MKLN1: variants seen among roughly 807,000 people sequenced by gnomAD.
MKLN1 encodes the protein muskelin.
A neutral mutation model predicts 99.0 loss-of-function variants in MKLN1; 18 were observed. The observed-to-expected ratio is 0.18, with a 90% CI of 0.13 to 0.27. The LOEUF (loss-of-function observed/expected upper bound fraction) is 0.27. Among genes scored for constraint, MKLN1 ranks in the 10% least tolerant of loss-of-function variants. The pLI, the probability that MKLN1 is intolerant of heterozygous loss-of-function variation, is 1.00. For missense variants in MKLN1, 621 were observed against 875.9 expected, an observed-to-expected ratio of 0.71 and a Z score of 3.67; for synonymous variants, 288 against 293.2, an observed-to-expected ratio of 0.98 and a Z score of 0.18.
intron 7 of MKLN1, among the ~76,000 whole-genome samples, chr7:131,414,083 T>C (rs1402243987): frequency 6.6e-6 from 1 of 152,166 alleles, no homozygotes; most frequent in Admixed American, 6.5e-5. Context: ...ATTAATACAT[T>C]ATACATTATA....
intron 13 of MKLN1, 105 bp from the exon 14 acceptor site, chr7:131,464,189 C>A: frequency 1.7e-6 from 1 of 572,458 alleles, no homozygotes; most frequent in Non-Finnish European, 3.1e-6. Flanking sequence ...GAACGCATTT[C>A]TAAAATTTTT....
intron 3 of MKLN1, among the ~76,000 whole-genome samples, chr7:131,204,278 G>T (rs1796772865): frequency 6.6e-6 from 1 of 152,150 alleles, no homozygotes; most frequent in Non-Finnish European, 1.5e-5. Flanking sequence ...TTCTTGCCCA[G>T]CTTTGGGGTT....
intron 8 of MKLN1, among the ~76,000 whole-genome samples, chr7:131,416,580 G>A (rs1795020961): frequency 6.6e-6 from 1 of 151,356 alleles, no homozygotes; most frequent in African/African-American, 2.4e-5. Flanking sequence ...GAGTGCAGTG[G>A]CGCAAAGGCC....
At chr7:131,486,300 C>T (rs1194796035) in intron 17 of MKLN1, among the ~76,000 whole-genome samples, 3 of 151,674 alleles carry the variant, frequency 2.0e-5, no homozygotes, top group African/African-American at 4.8e-5. Flanking sequence ...CTAATCTCAC[C>T]GTTCAGAGAT....
At chr7:131,378,688 G>A (rs944421891) in intron 2 of MKLN1, among the ~76,000 whole-genome samples, 5 of 152,024 alleles carry the variant, frequency 3.3e-5, no homozygotes, top group African/African-American at 1.2e-4. Context: ...AAAGTAGTCG[G>A]GCATGGTAGC....
intron 2 of MKLN1, among the ~76,000 whole-genome samples, chr7:131,178,760 C>T (rs1796337791): frequency 2.6e-5 from 4 of 152,134 alleles, no homozygotes; most frequent in Admixed American, 2.6e-4. Flanking sequence ...TGACATATAT[C>T]TGCCCAGTCA....
intron 8 of MKLN1, among the ~76,000 whole-genome samples, chr7:131,425,399 T>G (rs1013213760): frequency 7.2e-5 from 11 of 152,168 alleles, no homozygotes; most frequent in African/African-American, 2.7e-4. Flanking sequence ...CTGTCTTCCC[T>G]CTTTTGAACC....
intron 17 of MKLN1, among the ~76,000 whole-genome samples, chr7:131,482,381 A>AT (rs1461841236): frequency 1.3e-5 from 2 of 151,734 alleles, no homozygotes; most frequent in East Asian, 1.9e-4. Flanking sequence ...CCTTTTTTAC[A>AT]TTTTTTGTAG....
intron 2 of MKLN1, among the ~76,000 whole-genome samples, chr7:131,201,548 G>T (rs997286593): frequency 6.6e-6 from 1 of 152,166 alleles, no homozygotes; most frequent in Non-Finnish European, 1.5e-5. Context: ...AAATGAATAA[G>T]GTTACTGGGT....
At chr7:131,292,611 T>G (rs1008496691) in intron 3 of MKLN1, among the ~76,000 whole-genome samples, 1 of 152,164 alleles carries the variant, frequency 6.6e-6, no homozygotes, top group African/African-American at 2.4e-5. Context: ...GCGTTGTAGC[T>G]GCAAGCCAAG....
At chr7:131,413,070 G>T (rs776150140) in intron 7 of MKLN1, among the ~76,000 whole-genome samples, 6 of 152,152 alleles carry the variant, frequency 3.9e-5, no homozygotes, top group Non-Finnish European at 8.8e-5. Context: ...ATTCATTTTA[G>T]TGCTTTCTTT....
At chr7:131,486,384 A>G (rs1301683916) in intron 17 of MKLN1, among the ~76,000 whole-genome samples, 1 of 152,122 alleles carries the variant, frequency 6.6e-6, no homozygotes, top group Non-Finnish European at 1.5e-5. Context: ...GTTAAACTCA[A>G]GCTCATCTCA....
At chr7:131,162,577 G>C (rs1391159833) in intron 2 of MKLN1, among the ~76,000 whole-genome samples, 1 of 152,058 alleles carries the variant, frequency 6.6e-6, no homozygotes, top group Non-Finnish European at 1.5e-5. Context: ...ATTACCTTCA[G>C]GCCATGTGTA....
intron 4 of MKLN1, 54 bp downstream of exon 4, chr7:131,389,026 A>G: frequency 8.1e-7 from 1 of 1,227,822 alleles, no homozygotes; most frequent in South Asian, 1.3e-5. Flanking sequence ...ATCAGTCAGC[A>G]AACTATAGCC....
chr7:131,242,733 C>A, intron 3 of MKLN1: 1 of 690,592 alleles, frequency 1.4e-6, no homozygotes, highest in Non-Finnish European at 2.7e-6. Flanking sequence ...TGGAATTGAC[C>A]GCTGTCCCCA....
intron 3 of MKLN1, chr7:131,242,736 T>C (rs1584861872): frequency 2.9e-6 from 2 of 693,170 alleles, no homozygotes; most frequent in Non-Finnish European, 5.5e-6. Flanking sequence ...AATTGACCGC[T>C]GTCCCCACAA....
chr7:131,142,314 A>T (rs1194075812), intron 1 of MKLN1, among the ~76,000 whole-genome samples: 5 of 151,348 alleles, frequency 3.3e-5, no homozygotes, highest in African/African-American at 1.2e-4. Context: ...GGGGGGCTGA[A>T]GCAAGAGAAT....
At chr7:131,408,652 A>G (rs1029852396) in intron 6 of MKLN1, among the ~76,000 whole-genome samples, 5 of 152,138 alleles carry the variant, frequency 3.3e-5, no homozygotes, top group Middle Eastern at 3.4e-3. Context: ...GTGTGCAGGC[A>G]GGATTTCTGT....
intron 1 of MKLN1, among the ~76,000 whole-genome samples, chr7:131,123,049 A>AAAAG (rs1795400485): frequency 2.0e-5 from 3 of 150,268 alleles, no homozygotes; most frequent in Non-Finnish European, 3.0e-5. Context: ...AAAAAAAAAA[A>AAAAG]GTGTTGCTGC....
Sources: gnomAD v4.1 joint callset for allele counts (sites outside exome capture counted in the v4.1 genomes callset) on GRCh38, gnomAD v4.1.1 for gene constraint, MANE v1.5 for transcripts, NCBI Gene and HGNC (gene_info 2026-07-23, HGNC 2026-07-21) for gene names.